BCL9: variants seen among roughly 807,000 people sequenced by gnomAD.
BCL9 encodes the protein BCL9 transcription coactivator.
BCL9 carries 25 observed loss-of-function variants against 88.5 expected under a neutral mutation model. The ratio of observed to expected loss-of-function variants is 0.28; its 90% CI spans 0.21 to 0.39. The LOEUF (loss-of-function observed/expected upper bound fraction) is 0.39, where lower values mean the gene tolerates loss of function less well. BCL9 is among the 10% of genes least tolerant of loss of function. BCL9 has a pLI of 1.00. For missense variants in BCL9, 1,817 were observed against 1,877.8 expected (o/e 0.97, Z 0.60); for synonymous variants, 711 against 673.3 (o/e 1.06, Z -0.87).
At chr1:147,601,036 C>T (rs1553201216) in intron 1 of BCL9, among the ~76,000 whole-genome samples, 1 of 151,950 alleles carries the variant, frequency 6.6e-6, no homozygotes. Flanking sequence ...TTATTATGTC[C>T]AGAGGGAAGG....
At chr1:147,599,883 G>A (rs1239024524) in intron 1 of BCL9, among the ~76,000 whole-genome samples, 2 of 151,676 alleles carry the variant, frequency 1.3e-5, no homozygotes, top group African/African-American at 2.4e-5. Flanking sequence ...GTCTGGGGAG[G>A]GGGACGAGCG....
At chr1:147,570,960 T>C (rs1248472247) in intron 1 of BCL9, among the ~76,000 whole-genome samples, 2 of 151,988 alleles carry the variant, frequency 1.3e-5, no homozygotes, top group Non-Finnish European at 2.9e-5. Flanking sequence ...TTTTTTTCTT[T>C]TCCTTTTATT....
chr1:147,592,816 G>T (rs910487797), intron 1 of BCL9, among the ~76,000 whole-genome samples: 1 of 152,092 alleles, frequency 6.6e-6, no homozygotes, highest in Admixed American at 6.5e-5. Flanking sequence ...CATGTCTACA[G>T]TCATTCATTT....
At chr1:147,558,164 A>G (rs1207308841) in intron 1 of BCL9, among the ~76,000 whole-genome samples, 2 of 152,170 alleles carry the variant, frequency 1.3e-5, no homozygotes, top group African/African-American at 4.8e-5. Context: ...GGGTAGATGA[A>G]AAAAGTGAGG....
At chr1:147,563,882 A>T (rs1655489494) in intron 1 of BCL9, among the ~76,000 whole-genome samples, 1 of 152,222 alleles carries the variant, frequency 6.6e-6, no homozygotes, top group African/African-American at 2.4e-5. Context: ...AATCCTGAAA[A>T]CAGGTAAAAT....
At chr1:147,597,841 A>C (rs1479511074) in intron 1 of BCL9, among the ~76,000 whole-genome samples, 2 of 152,222 alleles carry the variant, frequency 1.3e-5, no homozygotes, top group Non-Finnish European at 2.9e-5. Flanking sequence ...CGTATGTTTA[A>C]TATTCATTTG....
chr1:147,581,842 T>C (rs1656385762), intron 1 of BCL9, among the ~76,000 whole-genome samples: 1 of 152,334 alleles, frequency 6.6e-6, no homozygotes, highest in Non-Finnish European at 1.5e-5. Context: ...CTAGGTTGCA[T>C]TTTGAAAGCT....
At chr1:147,618,688 C>A in intron 7 of BCL9, 128 bp from the exon 8 acceptor site, 2 of 945,970 alleles carry the variant, frequency 2.1e-6, no homozygotes, top group Non-Finnish European at 2.9e-6. Flanking sequence ...TGTACGTGAG[C>A]AATTTCTACA....
intron 1 of BCL9, among the ~76,000 whole-genome samples, chr1:147,562,734 G>T (rs1314128131): frequency 6.6e-6 from 1 of 152,128 alleles, no homozygotes; most frequent in African/African-American, 2.4e-5. Flanking sequence ...AGAGAAAGTG[G>T]GTGCATGCAC....
intron 1 of BCL9, among the ~76,000 whole-genome samples, chr1:147,562,627 T>A (rs991928932): frequency 6.6e-6 from 1 of 152,128 alleles, no homozygotes; most frequent in African/African-American, 2.4e-5. Flanking sequence ...TCATAAACAC[T>A]ACTGAGGCTG....
intron 1 of BCL9, among the ~76,000 whole-genome samples, chr1:147,547,096 A>T (rs1474546873): frequency 6.6e-6 from 1 of 152,170 alleles, no homozygotes; most frequent in East Asian, 1.9e-4. Flanking sequence ...TGCGTTTAAC[A>T]CTATGCTTTT....
Position 147,572,948 on chromosome 1 carries a change from T to C in BCL9, c.-478+31274T>C, listed in dbSNP as rs12731295. Among the ~76,000 whole-genome samples the C allele has an allele frequency of 4.5e-3, 682 of 152,342 alleles. 10 individuals carry two copies. Among genetic ancestry groups the C allele is most frequent in the Non-Finnish European group, 6.6e-3 (451 of 68,036 alleles). ...AGCTGGGGCTTTGTTCATTCATTTT[T>C]GTTTCTCCGGATGGAACAATCCAGC... On this transcript the variant is annotated intron_variant, in intron 1 of 9. Transcript: ENST00000234739.
chr1:147,618,112 A>G (rs1166748830), intron 7 of BCL9, among the ~76,000 whole-genome samples: 3 of 152,238 alleles, frequency 2.0e-5, no homozygotes, highest in Admixed American at 2.0e-4. Flanking sequence ...ATAGCCTCAG[A>G]TTTCTCCACA....
chr1:147,545,580 G>T (rs181965904), intron 1 of BCL9, among the ~76,000 whole-genome samples: 2 of 152,138 alleles, frequency 1.3e-5, no homozygotes, highest in African/African-American at 4.8e-5. Context: ...CAATGTGTAG[G>T]TACTCTGCAT....
rs2101622230 is a variant in BCL9, at chr1:147,620,841, C to T, written c.2686C>T (p.Leu896=). ...PQTPSQLAGM[L]AGPAAAASIK... is the part of the protein sequence containing the mutation. ...GACTCCATCGCAGCTGGCAGGCATG[C>T]TGGCGGGCCCAGCTGCTGCTGCTTC... Residue 896 remains leucine, a synonymous_variant, in exon 8 of 10, where the codon CTG becomes TTG. Coordinates refer to ENST00000234739, the MANE Select transcript of BCL9 (RefSeq NM_004326.4). 6.2e-7 allele frequency: 1 copy of T among 1,614,166 alleles called. No individual in the cohort carries two copies.
intron 1 of BCL9, among the ~76,000 whole-genome samples, chr1:147,567,051 G>C (rs1182940290): frequency 6.6e-6 from 1 of 152,150 alleles, no homozygotes; most frequent in South Asian, 2.1e-4. Flanking sequence ...TCCAACGTGG[G>C]TAAGGAGTTC....
chr1:147,613,518 C>T (rs183598363), intron 5 of BCL9, among the ~76,000 whole-genome samples: 137 of 152,270 alleles, frequency 9.0e-4, no homozygotes, highest in African/African-American at 3.0e-3. Flanking sequence ...TAGTTTCAAG[C>T]CAGTAGCTCT....
intron 1 of BCL9, among the ~76,000 whole-genome samples, chr1:147,587,694 G>A (rs1189331970): frequency 6.6e-6 from 1 of 151,984 alleles, no homozygotes; most frequent in African/African-American, 2.4e-5. Flanking sequence ...ATTTTAATGG[G>A]AATCTTAAAA....
chr1:147,594,044 T>C (rs1656947930), intron 1 of BCL9, among the ~76,000 whole-genome samples: 3 of 152,236 alleles, frequency 2.0e-5, no homozygotes, highest in Admixed American at 2.0e-4. Flanking sequence ...GTTTCTGTTA[T>C]ACAATACTGT....
Sources: gnomAD v4.1 joint callset for allele counts (sites outside exome capture counted in the v4.1 genomes callset) on GRCh38, gnomAD v4.1.1 for gene constraint, MANE v1.5 for transcripts, NCBI Gene and HGNC (gene_info 2026-07-23, HGNC 2026-07-21) for gene names.